The following KAZN variants were observed in gnomAD, a reference collection of about 807,000 sequenced individuals.
KAZN encodes the protein kazrin.
Under a neutral mutation model 87.4 loss-of-function variants are expected in KAZN, and 40 were observed. The ratio of observed to expected loss-of-function variants is 0.46; its 90% CI spans 0.36 to 0.60. The LOEUF is 0.60. KAZN is among the 20% of genes least tolerant of loss of function. KAZN has a pLI of 0.00. For synonymous variants in KAZN, 466 were observed against 458.3 expected (o/e 1.02, Z -0.22); for missense variants, 898 against 1,073.9 (o/e 0.84, Z 2.29).
At chr1:14,225,835 A>C (rs1158096483) in intron 2 of KAZN, among the ~76,000 whole-genome samples, 1 of 152,112 alleles carries the variant, frequency 6.6e-6, no homozygotes, top group African/African-American at 2.4e-5. Context: ...TGGACCCTGC[A>C]TTTCACCATA....
In KAZN at chr1:15,056,303, T is replaced by C; in HGVS notation, c.916+23T>C. The C allele has an allele frequency of 1.9e-6, 3 of 1,580,278 alleles. No individual in the cohort carries two copies. Among genetic ancestry groups the C allele is most frequent in the Non-Finnish European group, 2.6e-6 (3 of 1,155,824 alleles). ...AAGGTGAGTCCTGCCCTGGCCTGGC[T>C]CCACCACGGCTTCGAGGGGCTTCAC... is the stretch of plus-strand genomic sequence containing the variant. On this transcript the variant is annotated intron_variant, in intron 5 of 14. Transcript: ENST00000376030. The surrounding 1 kb of genome is among the most constrained non-coding windows in gnomAD (Gnocchi z 5.4).
intron 1 of KAZN, among the ~76,000 whole-genome samples, chr1:14,695,567 G>A (rs970620125): frequency 8.1e-5 from 11 of 136,530 alleles, no homozygotes; most frequent in Non-Finnish European, 1.1e-4. Flanking sequence ...GTGCAGTGGC[G>A]CAATCTCGGC....
intron 2 of KAZN, among the ~76,000 whole-genome samples, chr1:14,965,036 C>CT (rs556431827): frequency 0.012 from 1,751 of 144,496 alleles, 24 homozygotes; most frequent in South Asian, 0.037. Context: ...ATATTTTTTT[C>CT]TTTTTTTTTT....
At chr1:14,386,447 G>C (rs1035212157) in intron 2 of KAZN, among the ~76,000 whole-genome samples, 3 of 151,952 alleles carry the variant, frequency 2.0e-5, no homozygotes, top group Admixed American at 2.0e-4. Flanking sequence ...TGCAGTGGCT[G>C]GTACCAGTTG....
chr1:14,561,103 C>T (rs1367752471), intron 2 of KAZN, among the ~76,000 whole-genome samples: 1 of 152,158 alleles, frequency 6.6e-6, no homozygotes, highest in Non-Finnish European at 1.5e-5. Flanking sequence ...ATCAGCCTTT[C>T]TGGGAAAAAC....
chr1:14,130,001 A>G (rs914123056), intron 1 of KAZN, among the ~76,000 whole-genome samples: 3 of 152,264 alleles, frequency 2.0e-5, no homozygotes, highest in Admixed American at 6.5e-5. Context: ...ACCTGCATAC[A>G]TAATACAAGA....
chr1:14,085,402 C>T (rs1643824087), intron 1 of KAZN, among the ~76,000 whole-genome samples: 1 of 152,196 alleles, frequency 6.6e-6, no homozygotes, highest in African/African-American at 2.4e-5. Context: ...CAGGAGCTTG[C>T]TTGTGTCCCT....
chr1:15,109,895 GTA>G (rs1321925645), intron 13 of KAZN, among the ~76,000 whole-genome samples: 6 of 151,534 alleles, frequency 4.0e-5, no homozygotes, highest in Non-Finnish European at 7.4e-5. Flanking sequence ...GTGCTTGTGT[GTA>G]TATGTGTTTG....
chr1:14,816,530 C>T (rs902012261), intron 1 of KAZN, among the ~76,000 whole-genome samples: 3 of 152,032 alleles, frequency 2.0e-5, no homozygotes, highest in Non-Finnish European at 4.4e-5. Context: ...TCAACATGGC[C>T]GCGGACTTCA....
chr1:14,497,045 A>G (rs910689115), intron 2 of KAZN, among the ~76,000 whole-genome samples: 6 of 152,114 alleles, frequency 3.9e-5, no homozygotes, highest in Non-Finnish European at 8.8e-5. Flanking sequence ...TTATTTTCCA[A>G]CTCTGCCAAG....
chr1:14,734,525 C>T (rs1302603227), intron 1 of KAZN, among the ~76,000 whole-genome samples: 2 of 152,020 alleles, frequency 1.3e-5, no homozygotes, highest in East Asian at 3.9e-4. Context: ...GTTGGTCAGG[C>T]TGGTCTTGAA....
At chr1:14,745,764 A>G (rs1644246951) in intron 1 of KAZN, among the ~76,000 whole-genome samples, 1 of 152,226 alleles carries the variant, frequency 6.6e-6, no homozygotes, top group African/African-American at 2.4e-5. Flanking sequence ...AGCTTCGTTT[A>G]GACAAATGCA....
At chr1:14,118,941 G>A (rs1445677792) in intron 1 of KAZN, among the ~76,000 whole-genome samples, 1 of 152,182 alleles carries the variant, frequency 6.6e-6, no homozygotes, top group African/African-American at 2.4e-5. Flanking sequence ...TCACTAGGTT[G>A]TCAGGAAAAC....
Position 14,742,692 on chromosome 1 carries a change from C to T in KAZN, c.226+143469C>T, listed in dbSNP as rs185019653. 1.8e-4 allele frequency among the ~76,000 whole-genome samples: 28 copies of T among 152,368 alleles called. 1 individual carries two copies. Among genetic ancestry groups the T allele is most frequent in the Admixed American group, 1.3e-3 (20 of 15,302 alleles). On this transcript the variant is annotated intron_variant, in intron 1 of 14. Coordinates refer to ENST00000376030, the MANE Select transcript of KAZN (RefSeq NM_201628.3). ...ATGATGTTTCTTTGAATCACCCCAT[C>T]TGGCAAGATGCAAACACTCTTGCTT...
rs76620938 is a variant in KAZN, at chr1:14,140,378, C to A, written c.92-40057C>A. 7.2e-3 allele frequency among the ~76,000 whole-genome samples: 1,098 copies of A among 152,008 alleles called. 14 individuals are homozygous for A. The highest frequency in any genetic ancestry group is 0.026 in the African/African-American group (1,063 of 41,432). The stretch of plus-strand genomic sequence containing the variant: ...AAGGCCTGGCATACAGAAAGTGCTT[C>A]GCAGGTGTAATAATAATTATAATAA... On this transcript the variant is annotated intron_variant, in intron 1 of 16. Coordinates refer to the KAZN transcript ENST00000636203.
intron 1 of KAZN, among the ~76,000 whole-genome samples, chr1:14,828,540 G>A (rs988424510): frequency 6.6e-6 from 1 of 152,156 alleles, no homozygotes; most frequent in African/African-American, 2.4e-5. Context: ...GAACCAAGAG[G>A]AGAGATTCCT....
intron 8 of KAZN, among the ~76,000 whole-genome samples, chr1:15,068,478 C>T (rs902119444): frequency 6.6e-6 from 1 of 152,146 alleles, no homozygotes; most frequent in African/African-American, 2.4e-5. Context: ...TCCTTCTCCC[C>T]CTGAGCTCCT....
chr1:14,826,349 G>A (rs1646885188), intron 1 of KAZN, among the ~76,000 whole-genome samples: 1 of 152,228 alleles, frequency 6.6e-6, no homozygotes, highest in South Asian at 2.1e-4. Context: ...TGGCCATATG[G>A]ATTTATTTTA....
chr1:15,098,775 C>T (rs1640909403), intron 10 of KAZN, among the ~76,000 whole-genome samples: 1 of 152,258 alleles, frequency 6.6e-6, no homozygotes, highest in South Asian at 2.1e-4. Flanking sequence ...AGCTGGGCAG[C>T]CTCCAGGTGG....
Sources: allele counts gnomAD v4.1 joint callset (sites outside exome capture counted in the v4.1 genomes callset), GRCh38; gene constraint gnomAD v4.1.1; non-coding constraint Gnocchi (gnomAD v3.1); transcripts MANE v1.5; gene names NCBI Gene and HGNC (gene_info 2026-07-23, HGNC 2026-07-21).